The following CTNND2 variants were observed in gnomAD, a reference collection of about 807,000 sequenced individuals.
CTNND2 encodes catenin delta 2, also known as catenin delta-2.
In CTNND2, 22 loss-of-function variants were observed where a neutral mutation model predicts 144.4. That is an observed-to-expected ratio of 0.15 (90% CI 0.11 to 0.22). The LOEUF is 0.22. Among genes scored for constraint, CTNND2 ranks in the 10% least tolerant of loss-of-function variants. The probability of loss-of-function intolerance (pLI) is 1.00; values close to 1 mark genes in which losing one functional copy is unlikely to be tolerated. For missense variants in CTNND2, 1,353 were observed against 1,618.8 expected (o/e 0.84, Z 2.82); for synonymous variants, 751 against 695.6 (o/e 1.08, Z -1.25).
intron 3 of CTNND2, among the ~76,000 whole-genome samples, chr5:11,431,564 C>T (rs539553848): frequency 1.3e-5 from 2 of 152,304 alleles, no homozygotes; most frequent in East Asian, 3.9e-4. Context: ...TTCTTCTTGG[C>T]AGCCAGCCTC....
intron 16 of CTNND2, among the ~76,000 whole-genome samples, chr5:11,069,681 GAGAC>G (rs1748031310): frequency 3.5e-5 from 1 of 28,840 alleles, no homozygotes; most frequent in Non-Finnish European, 6.2e-5. Flanking sequence ...GACAGACAGA[GAGAC>G]AGAGAGACAG....
chr5:11,651,658 G>C (rs1383918392), intron 2 of CTNND2, among the ~76,000 whole-genome samples: 1 of 152,228 alleles, frequency 6.6e-6, no homozygotes, highest in African/African-American at 2.4e-5. Flanking sequence ...CAAGGCATTA[G>C]GAGCCCAGCC....
At chr5:11,532,140 A>C (rs1773798488) in intron 3 of CTNND2, among the ~76,000 whole-genome samples, 1 of 151,778 alleles carries the variant, frequency 6.6e-6, no homozygotes, top group Non-Finnish European at 1.5e-5. Flanking sequence ...ACCTCCAAAC[A>C]ATCCTGAAGG....
chr5:11,115,314 TG>T (rs1161151835), intron 13 of CTNND2, among the ~76,000 whole-genome samples: 1 of 152,240 alleles, frequency 6.6e-6, no homozygotes, highest in African/African-American at 2.4e-5. Context: ...TCTTTGGTGC[TG>T]GTGGCTGCAC....
intron 1 of CTNND2, among the ~76,000 whole-genome samples, chr5:11,845,735 G>A (rs542515825): frequency 9.2e-5 from 14 of 152,138 alleles, no homozygotes; most frequent in Non-Finnish European, 1.8e-4. Context: ...TCGTCAAGAC[G>A]ATCTATGGCT....
At chr5:11,468,574 C>T (rs546946978) in intron 3 of CTNND2, among the ~76,000 whole-genome samples, 7 of 152,262 alleles carry the variant, frequency 4.6e-5, no homozygotes, top group African/African-American at 9.6e-5. Flanking sequence ...GGTCCTGAAA[C>T]GTCCAAAGGG....
chr5:11,397,414 A>T (rs1190977718), intron 5 of CTNND2, among the ~76,000 whole-genome samples: 1 of 152,092 alleles, frequency 6.6e-6, no homozygotes, highest in African/African-American at 2.4e-5. Context: ...TGGTGGTTTA[A>T]AAGTTCTCAA....
At chr5:11,484,838 G>A (rs1768647424) in intron 3 of CTNND2, among the ~76,000 whole-genome samples, 1 of 152,180 alleles carries the variant, frequency 6.6e-6, no homozygotes, top group Non-Finnish European at 1.5e-5. Flanking sequence ...AATTGTGCTG[G>A]AGGAATGCTC....
intron 3 of CTNND2, among the ~76,000 whole-genome samples, chr5:11,428,757 C>T (rs544109297): frequency 2.0e-5 from 3 of 152,206 alleles, no homozygotes; most frequent in Non-Finnish European, 4.4e-5. Context: ...CAAAAAGCGA[C>T]TACAACACTT....
At chr5:11,071,177 G>A (rs950984205) in intron 16 of CTNND2, among the ~76,000 whole-genome samples, 3 of 152,228 alleles carry the variant, frequency 2.0e-5, no homozygotes, top group African/African-American at 7.2e-5. Context: ...AAGTTTGGAA[G>A]AGAGACATAT....
chr5:11,640,885 CT>C (rs1391442861), intron 2 of CTNND2, among the ~76,000 whole-genome samples: 1 of 152,200 alleles, frequency 6.6e-6, no homozygotes, highest in Non-Finnish European at 1.5e-5. Context: ...CCTATCAACT[CT>C]GCTGACCAAT....
intron 9 of CTNND2, among the ~76,000 whole-genome samples, chr5:11,288,065 C>T (rs952470282): frequency 3.9e-5 from 6 of 152,180 alleles, no homozygotes; most frequent in Non-Finnish European, 8.8e-5. Context: ...AGGTATGACA[C>T]TTATATAATT....
chr5:11,258,533 C>T (rs554874978), intron 9 of CTNND2, among the ~76,000 whole-genome samples: 1 of 152,330 alleles, frequency 6.6e-6, no homozygotes, highest in South Asian at 2.1e-4. Flanking sequence ...CGAACCTGGT[C>T]ATCACTTCAT....
chr5:11,853,677 CCTT>C (rs1200045662), intron 1 of CTNND2, among the ~76,000 whole-genome samples: 2 of 152,176 alleles, frequency 1.3e-5, no homozygotes, highest in Non-Finnish European at 2.9e-5. Context: ...ACTTTCTTCT[CCTT>C]CTCATTTGGT....
chr5:11,758,415 C>G (rs941663956), intron 1 of CTNND2, among the ~76,000 whole-genome samples: 1 of 151,984 alleles, frequency 6.6e-6, no homozygotes, highest in Non-Finnish European at 1.5e-5. Flanking sequence ...ATTTTAGTCA[C>G]TATTCTGTAT....
intron 2 of CTNND2, among the ~76,000 whole-genome samples, chr5:11,666,452 A>G (rs887428513): frequency 6.6e-6 from 1 of 152,240 alleles, no homozygotes; most frequent in Non-Finnish European, 1.5e-5. Context: ...GAAGCTTTAA[A>G]GAGTTTTCAT....
chr5:11,118,197 G>A (rs927159178), intron 12 of CTNND2, among the ~76,000 whole-genome samples: 1 of 152,238 alleles, frequency 6.6e-6, no homozygotes, highest in African/African-American at 2.4e-5. Context: ...TGGCTACGAA[G>A]CAGAGAGATC....
intron 9 of CTNND2, among the ~76,000 whole-genome samples, chr5:11,271,034 A>G (rs1192894693): frequency 6.6e-6 from 1 of 152,236 alleles, no homozygotes; most frequent in African/African-American, 2.4e-5. Context: ...ATGTTTAAAT[A>G]ATGAGCCACA....
chr5:11,107,811 A>G (rs1202587183), intron 14 of CTNND2, among the ~76,000 whole-genome samples: 1 of 152,066 alleles, frequency 6.6e-6, no homozygotes, highest in Non-Finnish European at 1.5e-5. Flanking sequence ...CTTGGCTCAC[A>G]GCAGCCCTTG....
Sources: allele counts gnomAD v4.1 joint callset (sites outside exome capture counted in the v4.1 genomes callset), GRCh38; gene constraint gnomAD v4.1.1; transcripts MANE v1.5; gene names NCBI Gene and HGNC (gene_info 2026-07-23, HGNC 2026-07-21).